Variants in REPS2 observed in about 807,000 individuals in gnomAD.
The protein encoded by REPS2 is ralBP1-associated Eps domain-containing protein 2.
REPS2 carries 23 observed loss-of-function variants against 53.6 expected under a neutral mutation model. The observed-to-expected ratio is 0.43, with a 90% CI of 0.31 to 0.61. The LOEUF is 0.61. REPS2 is among the 20% of genes least tolerant of loss of function. REPS2 has a pLI of 0.11. For missense variants in REPS2, 446 were observed against 534.9 expected (o/e 0.83, Z 1.64); for synonymous variants, 238 against 218.6 (o/e 1.09, Z -0.78).
At chrX:16,996,431 A>G (rs2061235590) in intron 1 of REPS2, among the ~76,000 whole-genome samples, 1 of 111,723 alleles carries the variant, frequency 9.0e-6, no homozygotes, top group Non-Finnish European at 1.9e-5. Context: ...AACAGTCAAG[A>G]ACAGGGTAGA....
intron 14 of REPS2, among the ~76,000 whole-genome samples, chrX:17,128,722 T>C (rs762554979): frequency 2.7e-5 from 3 of 112,868 alleles, no homozygotes; most frequent in Non-Finnish European, 3.7e-5. Context: ...AGGGATCATA[T>C]TGTCCCATCA....
chrX:17,045,095 A>C (rs953065025), intron 5 of REPS2, among the ~76,000 whole-genome samples: 1 of 106,104 alleles, frequency 9.4e-6, no homozygotes, highest in Non-Finnish European at 2.0e-5. Context: ...ACACCTGGCT[A>C]ATTTTTTGTA....
At chrX:17,063,896 T>C (rs1357351102) in intron 9 of REPS2, among the ~76,000 whole-genome samples, 2 of 100,650 alleles carry the variant, frequency 2.0e-5, no homozygotes, top group African/African-American at 7.3e-5. Flanking sequence ...TAAAATCTGT[T>C]ACACATGCAC....
At chrX:16,964,162 C>T (rs371536644) in intron 1 of REPS2, among the ~76,000 whole-genome samples, 15 of 107,463 alleles carry the variant, frequency 1.4e-4, no homozygotes, top group South Asian at 1.3e-3. Context: ...TTTTCCTAGG[C>T]AGAGGACCCT....
chrX:16,951,544 CACACACACACACA>C (rs2060508666), intron 1 of REPS2, among the ~76,000 whole-genome samples: 2 of 42,353 alleles, frequency 4.7e-5, no homozygotes, highest in African/African-American at 5.9e-5. Flanking sequence ...CACACACACA[CACACACACACACA>C]CACCCCCGCT....
intron 9 of REPS2, among the ~76,000 whole-genome samples, chrX:17,067,920 AC>A (rs1315966513): frequency 1.8e-5 from 2 of 112,173 alleles, no homozygotes; most frequent in African/African-American, 6.5e-5. Context: ...AAATTTCAAT[AC>A]AAATTAACAT....
At chrX:16,971,140 C>A (rs1264808679) in intron 1 of REPS2, among the ~76,000 whole-genome samples, 1 of 112,239 alleles carries the variant, frequency 8.9e-6, no homozygotes, top group East Asian at 2.8e-4. Context: ...TTCCCCACAT[C>A]CTTACCAACG....
In REPS2 at chrX:17,095,524, CTT is replaced by C. The variant is rs34731910; in HGVS notation, c.1517-8180_1517-8179del. ...CTGCTCCTAAACTGCTTCAATCAGTCTTTTTTTTTTTTTTTAATGAGGATGGA... is the reference window on the plus strand; with the variant it reads ...CTGCTCCTAAACTGCTTCAATCAGTCTTTTTTTTTTTTTAATGAGGATGGA... On this transcript the variant is annotated intron_variant, in intron 13 of 17. Transcript: ENST00000357277. 7.7e-3 allele frequency among the ~76,000 whole-genome samples: 741 copies of C among 96,591 alleles called. 4 individuals are homozygous for C. Among genetic ancestry groups the C allele is most frequent in the African/African-American group, 0.019 (504 of 26,434 alleles). The allele number at this position is 96,591 out of a possible 115,157, so 83.9% of individuals were successfully genotyped here.
At chrX:17,111,066 C>T (rs5969768) in intron 14 of REPS2, among the ~76,000 whole-genome samples, 4,954 of 111,672 alleles carry the variant, frequency 0.044, 125 homozygotes, top group Middle Eastern at 0.11. Context: ...TTTGTATTTT[C>T]GGATTTTGGA....
chrX:17,107,703 A>G (rs1317263994), intron 14 of REPS2, among the ~76,000 whole-genome samples: 2 of 111,824 alleles, frequency 1.8e-5, no homozygotes, highest in East Asian at 2.8e-4. Context: ...TTTTCATACT[A>G]TAGGTAAGAT....
chrX:17,071,813 G>C (rs2062310802), intron 11 of REPS2, among the ~76,000 whole-genome samples: 1 of 111,931 alleles, frequency 8.9e-6, no homozygotes. Flanking sequence ...CATGCCTTGA[G>C]TGTTCTAGGA....
chrX:16,983,579 T>C (rs1021970814), intron 1 of REPS2, among the ~76,000 whole-genome samples: 2 of 112,750 alleles, frequency 1.8e-5, no homozygotes, highest in South Asian at 7.3e-4. Context: ...CTTGTCTCAC[T>C]GCAACCTCCA....
chrX:17,054,060 A>G (rs1437409114), intron 7 of REPS2, among the ~76,000 whole-genome samples: 1 of 112,429 alleles, frequency 8.9e-6, no homozygotes, highest in African/African-American at 3.2e-5. Context: ...GGTCTTAGAT[A>G]TAATACTTTG....
In REPS2 at chrX:17,044,894, T is replaced by C. The variant is rs181037564; in HGVS notation, c.772-2453T>C. Among the ~76,000 whole-genome samples the C allele has an allele frequency of 2.7e-3, 305 of 111,766 alleles. 2 individuals carry two copies. The highest frequency in any genetic ancestry group is 9.1e-3 in the African/African-American group (280 of 30,673). ...TTGGAAGGTTGTGTGGTCTGTTTGGTTGTTTAGTGCTCGGACTGGATTTTG... is the reference window on the plus strand; with the variant it reads ...TTGGAAGGTTGTGTGGTCTGTTTGGCTGTTTAGTGCTCGGACTGGATTTTG... On this transcript the variant is annotated intron_variant, in intron 5 of 17. Coordinates refer to ENST00000357277, the MANE Select transcript of REPS2 (RefSeq NM_004726.3).
intron 14 of REPS2, among the ~76,000 whole-genome samples, chrX:17,121,325 C>A (rs995394026): frequency 8.9e-6 from 1 of 112,186 alleles, no homozygotes; most frequent in Middle Eastern, 4.2e-3. Context: ...TTCTCCCCTG[C>A]GGGGTGGGGG....
the REPS2 span, among the ~76,000 whole-genome samples, chrX:17,160,055 G>A: frequency 3.6e-5 from 4 of 112,525 alleles, no homozygotes; most frequent in Non-Finnish European, 7.5e-5. Context: ...ACTTACCCAG[G>A]ATCCTTGTTA....
intron 13 of REPS2, among the ~76,000 whole-genome samples, chrX:17,091,072 T>C (rs2062610455): frequency 8.9e-6 from 1 of 112,303 alleles, no homozygotes; most frequent in Non-Finnish European, 1.9e-5. Flanking sequence ...CATTCTGTTC[T>C]GTTGATTTAT....
At chrX:17,170,949 A>T in the REPS2 span, among the ~76,000 whole-genome samples, 1 of 112,353 alleles carries the variant, frequency 8.9e-6, no homozygotes, top group Non-Finnish European at 1.9e-5. Context: ...TCTCTGCCAG[A>T]CTCCAAAGGC....
At chrX:17,173,598 C>T in the REPS2 span, among the ~76,000 whole-genome samples, 1 of 112,254 alleles carries the variant, frequency 8.9e-6, no homozygotes, top group African/African-American at 3.2e-5. Context: ...AAGTGGAGAG[C>T]ATTACACAGG....
Sources: gnomAD v4.1 joint callset for allele counts (sites outside exome capture counted in the v4.1 genomes callset) on GRCh38, gnomAD v4.1.1 for gene constraint, MANE v1.5 for transcripts, NCBI Gene and HGNC (gene_info 2026-07-23, HGNC 2026-07-21) for gene names.